TFAP2D: variants seen among roughly 807,000 people sequenced by gnomAD.
TFAP2D encodes the protein transcription factor AP-2-delta.
A neutral mutation model predicts 43.6 loss-of-function variants in TFAP2D; 9 were observed. The ratio of observed to expected loss-of-function variants is 0.21; its 90% confidence interval spans 0.12 to 0.36. The LOEUF (loss-of-function observed/expected upper bound fraction) is 0.36. TFAP2D is among the 10% of genes least tolerant of loss of function. TFAP2D has a pLI of 1.00. For missense variants in TFAP2D, 513 were observed against 561.4 expected (o/e 0.91, Z 0.87); for synonymous variants, 256 against 224.9 (o/e 1.14, Z -1.24).
intron 5 of TFAP2D, among the ~76,000 whole-genome samples, chr6:50,738,510 G>T (rs1768993347): frequency 6.6e-6 from 1 of 151,926 alleles, no homozygotes; most frequent in Non-Finnish European, 1.5e-5. Context: ...TTACTATGTG[G>T]TTTCATTTTT....
chr6:50,739,849 G>A (rs1769012826), intron 5 of TFAP2D, among the ~76,000 whole-genome samples: 1 of 152,152 alleles, frequency 6.6e-6, no homozygotes, highest in Admixed American at 6.5e-5. Context: ...ATTGAATGGG[G>A]AATGAAACTT....
chr6:50,724,810 C>G (rs1013961498), intron 3 of TFAP2D, among the ~76,000 whole-genome samples: 1 of 151,868 alleles, frequency 6.6e-6, no homozygotes, highest in African/African-American at 2.4e-5. Context: ...TGTCCTACCC[C>G]GCAGTTCACA....
Position 50,728,841 on chromosome 6 carries a change from T to G in TFAP2D, c.599-15T>G. 1 of 1,612,350 alleles carries G rather than the reference T, an allele frequency of 6.2e-7. No individual in the cohort carries two copies. Among genetic ancestry groups the G allele is most frequent in the Non-Finnish European group, 8.5e-7 (1 of 1,179,110 alleles). ...TCACTGTCACTAACATGTTATATAC[T>G]TTTTTTCTCCCAAGGTGGCACCTGT... On this transcript the variant is annotated splice_polypyrimidine_tract_variant and intron_variant, in intron 3 of 7. Transcript: ENST00000008391.
At chr6:50,714,722 G>T (rs997914809) in intron 1 of TFAP2D, among the ~76,000 whole-genome samples, 2 of 152,114 alleles carry the variant, frequency 1.3e-5, no homozygotes, top group Non-Finnish European at 2.9e-5. Flanking sequence ...GGGTGGACTC[G>T]TTCCTCTGCT....
chr6:50,742,573 C>CATAGATAGATAG (rs144051096), intron 5 of TFAP2D, among the ~76,000 whole-genome samples: 18 of 145,498 alleles, frequency 1.2e-4, no homozygotes, highest in South Asian at 4.6e-4. Context: ...GACAGACACA[C>CATAGATAGATAG]ATAGATAGAT....
chr6:50,749,943 C>A (rs1437427414), intron 6 of TFAP2D, among the ~76,000 whole-genome samples: 1 of 151,848 alleles, frequency 6.6e-6, no homozygotes, highest in Non-Finnish European at 1.5e-5. Flanking sequence ...CACCTGTGTT[C>A]TGCAAACATG....
intron 7 of TFAP2D, among the ~76,000 whole-genome samples, chr6:50,765,471 G>C: frequency 6.6e-6 from 1 of 152,268 alleles, no homozygotes; most frequent in African/African-American, 2.4e-5. Flanking sequence ...GCGCCAGTTT[G>C]CTTTTCCACC....
chr6:50,751,891 C>A (rs536532033), intron 7 of TFAP2D, among the ~76,000 whole-genome samples: 15 of 151,978 alleles, frequency 9.9e-5, no homozygotes, highest in African/African-American at 3.6e-4. Context: ...AATTTTATAT[C>A]TTTATGCATT....
intron 3 of TFAP2D, among the ~76,000 whole-genome samples, chr6:50,719,394 C>T (rs1049114550): frequency 1.3e-5 from 2 of 150,952 alleles, no homozygotes; most frequent in African/African-American, 4.9e-5. Flanking sequence ...CCTCACAGAA[C>T]AGTGACAGAA....
At chr6:50,757,933 T>C (rs1037767187) in intron 7 of TFAP2D, among the ~76,000 whole-genome samples, 1 of 148,450 alleles carries the variant, frequency 6.7e-6, no homozygotes, top group African/African-American at 2.5e-5. Flanking sequence ...ATTTCATCTT[T>C]TTATCCATAG....
intron 7 of TFAP2D, among the ~76,000 whole-genome samples, chr6:50,767,176 G>A (rs1387901693): frequency 3.3e-5 from 5 of 152,016 alleles, no homozygotes; most frequent in African/African-American, 1.2e-4. Context: ...ATTTCTTTCT[G>A]TTGCCTAATA....
Position 50,736,980 on chromosome 6 carries a change from G to A in TFAP2D, c.883+7668G>A, listed in dbSNP as rs548197293. 3.3e-5 allele frequency among the ~76,000 whole-genome samples: 5 copies of A among 150,960 alleles called. No individual in the cohort carries two copies. In the South Asian group the frequency reaches 1.0e-3, roughly 31 times the overall value. On this transcript the variant is annotated intron_variant, in intron 5 of 7. Transcript: ENST00000008391. ...TGCTTTATTCCTTTTTTTGTTTTTT[G>A]TTTTGTTTTGTTTTTAGAGACAGTC...
At chr6:50,758,519 T>C (rs1769321230) in intron 7 of TFAP2D, among the ~76,000 whole-genome samples, 1 of 151,984 alleles carries the variant, frequency 6.6e-6, no homozygotes, top group Non-Finnish European at 1.5e-5. Flanking sequence ...TCAAGGGTTA[T>C]TCATTCCCAT....
chr6:50,718,498 C>T (rs1252326400), intron 2 of TFAP2D, among the ~76,000 whole-genome samples: 2 of 152,168 alleles, frequency 1.3e-5, no homozygotes, highest in Non-Finnish European at 2.9e-5. Flanking sequence ...CAAACTCTTT[C>T]CATCTTTCCA....
At chr6:50,729,345 G>A (rs535458168) in intron 5 of TFAP2D, 33 bp downstream of exon 5, 1 of 1,572,072 alleles carries the variant, frequency 6.4e-7, no homozygotes, top group African/African-American at 1.4e-5. Flanking sequence ...AATAATGCTG[G>A]AAGGTTGGCG....
chr6:50,718,313 C>T (rs567055499), intron 2 of TFAP2D: 3 of 152,220 alleles, frequency 2.0e-5, no homozygotes, highest in Admixed American at 6.5e-5. Context: ...CGACTCTCTC[C>T]GCATTTACTT....
chr6:50,734,588 A>G (rs188309057), intron 5 of TFAP2D, among the ~76,000 whole-genome samples: 5 of 152,082 alleles, frequency 3.3e-5, no homozygotes, highest in Non-Finnish European at 5.9e-5. Context: ...CTATTCATTT[A>G]GCTCACAGAT....
chr6:50,713,926 T>C lies in TFAP2D; in HGVS notation c.-130T>C. ...CTGATCCGGGCAAAACCATTACAAT[T>C]TAGATATCTACCTATAGAACATTTT... On this transcript the variant is annotated 5_prime_UTR_variant, in exon 1 of 8. Coordinates refer to ENST00000008391, the MANE Select transcript of TFAP2D (RefSeq NM_172238.4). The C allele has an allele frequency of 1.4e-6, 2 of 1,384,276 alleles. 1 individual carries two copies. The highest frequency in any genetic ancestry group is 2.4e-5 in the South Asian group (2 of 82,800). 85.7% of individuals were successfully genotyped at this position (1,384,276 alleles called of 1,614,324 possible).
chr6:50,763,171 T>C (rs1769389484), intron 7 of TFAP2D, among the ~76,000 whole-genome samples: 1 of 152,136 alleles, frequency 6.6e-6, no homozygotes, highest in South Asian at 2.1e-4. Context: ...AGAACTTTGG[T>C]TCTGTTATAC....
Sources: allele counts gnomAD v4.1 joint callset (sites outside exome capture counted in the v4.1 genomes callset), GRCh38; gene constraint gnomAD v4.1.1; transcripts MANE v1.5; gene names NCBI Gene and HGNC (gene_info 2026-07-23, HGNC 2026-07-21).